The following MAFK variants were observed in gnomAD, a reference collection of about 807,000 sequenced individuals.
MAFK encodes MAF bZIP transcription factor K, also known as transcription factor MafK.
A neutral mutation model predicts 9.2 loss-of-function variants in MAFK; 1 was observed. The observed-to-expected ratio is 0.11, with a 90% CI of 0.04 to 0.52. MAFK has a LOEUF of 0.52. Among genes scored for constraint, MAFK ranks in the 20% least tolerant of loss-of-function variants. The pLI, the probability that MAFK is intolerant of heterozygous loss-of-function variation, is 0.94. For synonymous variants in MAFK, 110 were observed against 107.4 expected (o/e 1.02, Z -0.15); for missense variants, 207 against 236.0 (o/e 0.88, Z 0.81).
Position 1,534,839 on chromosome 7 carries a change from C to T in MAFK, c.-45+3941C>T, listed in dbSNP as rs2128551137. 1 of 351,592 alleles carries T rather than the reference C, an allele frequency of 2.8e-6. No individual in the cohort carries two copies. The highest frequency in any genetic ancestry group is 2.1e-5 in the South Asian group (1 of 47,918). 21.8% of individuals were successfully genotyped at this position (351,592 alleles called of 1,614,324 possible). A position where few individuals can be genotyped will look rare whatever the true frequency, so the allele number is the denominator to read the frequency against. ...GAAATCCCCGTTTCTCTATGGGCAT[C>T]CACAGCCGGGACCGTTCAGAGGGGT... is the stretch of plus-strand genomic sequence containing the variant. On this transcript the variant is annotated intron_variant, in intron 1 of 2. Coordinates refer to ENST00000343242, the MANE Select transcript of MAFK (RefSeq NM_002360.4). This position sits in a 1 kb window ranked among gnomAD's most constrained non-coding sequence, Gnocchi z 4.3.
chr7:1,537,479 C>T (rs943165249), intron 1 of MAFK: 107 of 985,468 alleles, frequency 1.1e-4, no homozygotes, highest in Admixed American at 1.2e-4. Context: ...TGCTCCCAGC[C>T]GCCGGCATTT....
rs1784163597 is a variant in MAFK at position 1,540,778 on chromosome 7, C to T, written c.*403C>T. The T allele has an allele frequency of 5.5e-6, 1 of 181,342 alleles. No individual in the cohort carries two copies. Among genetic ancestry groups the T allele is most frequent in the Non-Finnish European group, 1.1e-5 (1 of 87,722 alleles). The allele number at this position is 181,342 out of a possible 1,614,324, so 11.2% of individuals were successfully genotyped here. A position where few individuals can be genotyped will look rare whatever the true frequency, so the allele number is the denominator to read the frequency against. ...GGTCTAGCATGGGGCTTGTTTTCCA[C>T]TCCTGCTGTAAGCAGCCTTCGACAC... On this transcript the variant is annotated 3_prime_UTR_variant, in exon 3 of 3. Transcript: ENST00000343242.
intron 2 of MAFK, among the ~76,000 whole-genome samples, chr7:1,539,582 C>T (rs1562546895): frequency 6.6e-6 from 1 of 152,216 alleles, no homozygotes. Flanking sequence ...TCCCAAGGCC[C>T]GAGCCCACCT....
intron 1 of MAFK, among the ~76,000 whole-genome samples, chr7:1,535,996 G>T (rs1281681747): frequency 2.6e-5 from 4 of 152,218 alleles, no homozygotes; most frequent in Non-Finnish European, 4.4e-5. Context: ...GCTGAGCCTT[G>T]TTTAGTTCTG....
rs905343252 is a variant in MAFK at position 1,542,860 on chromosome 7, ATTAT to A, written c.*2492_*2495del. 4.6e-5 allele frequency: 7 copies of A among 152,382 alleles called. No homozygotes were observed. The highest frequency in any genetic ancestry group is 2.1e-4 in the South Asian group (1 of 4,836). The allele number at this position is 152,382 out of a possible 1,614,324, so 9.4% of individuals were successfully genotyped here. A position where few individuals can be genotyped will look rare whatever the true frequency, so the allele number is the denominator to read the frequency against. On this transcript the variant is annotated 3_prime_UTR_variant, in exon 3 of 3. Coordinates refer to ENST00000343242, the MANE Select transcript of MAFK (RefSeq NM_002360.4). ...CTGTGCTACTTGGCAGTTCCATTTCATTATTTATTTTTTGTGCTGCTTTTTATCA... is the reference window on the plus strand; with the variant it reads ...CTGTGCTACTTGGCAGTTCCATTTCATTATTTTTTGTGCTGCTTTTTATCA...
At position 1,542,950 on chromosome 7, in the gene MAFK, C is replaced by G. The variant is rs1028466448; in HGVS notation, c.*2575C>G. The G allele has an allele frequency of 6.5e-6, 1 of 152,720 alleles. No homozygotes were observed. The highest frequency in any genetic ancestry group is 1.5e-5 in the Non-Finnish European group (1 of 68,094). The allele number at this position is 152,720 out of a possible 1,614,324, so 9.5% of individuals were successfully genotyped here. A position where few individuals can be genotyped will look rare whatever the true frequency, so the allele number is the denominator to read the frequency against. On this transcript the variant is annotated 3_prime_UTR_variant, in exon 3 of 3. Coordinates refer to ENST00000343242, the MANE Select transcript of MAFK (RefSeq NM_002360.4). The stretch of plus-strand genomic sequence containing the variant: ...CCGTGTCTGGCCGCCGCCGCCCTGC[C>G]CCGTCCCTGCGGCCACCACCTAATT...
chr7:1,533,116 C>T (rs920552529), intron 1 of MAFK, among the ~76,000 whole-genome samples: 7 of 152,222 alleles, frequency 4.6e-5, no homozygotes, highest in Admixed American at 1.3e-4. Flanking sequence ...GGCCACATGC[C>T]CCACCCCCCG....
At chr7:1,537,322 G>A (rs1784055059) in intron 1 of MAFK, 12 of 946,462 alleles carry the variant, frequency 1.3e-5, no homozygotes, top group South Asian at 4.9e-5. Flanking sequence ...GGGAGGCCCG[G>A]GTGTGTGGGA....
At position 1,533,201 on chromosome 7, in the gene MAFK, T is replaced by C. The variant is rs1459064342; in HGVS notation, c.-45+2303T>C. On this transcript the variant is annotated intron_variant, in intron 1 of 2. Coordinates refer to ENST00000343242, the MANE Select transcript of MAFK (RefSeq NM_002360.4). ...TCCCACAGGCCGGTGGGGTCTGGTGTAGAGCCTTCCTGCTTCTCCGCACTG... is the reference window on the plus strand; with the variant it reads ...TCCCACAGGCCGGTGGGGTCTGGTGCAGAGCCTTCCTGCTTCTCCGCACTG... 3.9e-5 allele frequency among the ~76,000 whole-genome samples: 6 copies of C among 152,166 alleles called. 1 individual carries two copies. Among genetic ancestry groups the C allele is most frequent in the Non-Finnish European group, 8.8e-5 (6 of 68,018 alleles).
At chr7:1,531,205 C>T (rs1241893866) in intron 1 of MAFK, among the ~76,000 whole-genome samples, 5 of 149,320 alleles carry the variant, frequency 3.3e-5, no homozygotes, top group African/African-American at 1.2e-4. Context: ...CCTGGGAGGA[C>T]GAGGATCCAC....
rs111764525 is a variant in MAFK, at chr7:1,541,764, C to T, written c.*1389C>T. 5,670 of 152,380 alleles carry T rather than the reference C, an allele frequency of 0.037. 175 individuals carry two copies. Among genetic ancestry groups the T allele is most frequent in the Non-Finnish European group, 0.062 (4,192 of 68,064 alleles). 9.4% of individuals were successfully genotyped at this position (152,380 alleles called of 1,614,324 possible). A position where few individuals can be genotyped will look rare whatever the true frequency, so the allele number is the denominator to read the frequency against. Reference sequence around the variant, plus strand: ...CTGAGGCACCAGTGGGCTTGGCACTCCACCTTGGGCTTCCTTTTCCTGGAG... The same window carrying T: ...CTGAGGCACCAGTGGGCTTGGCACTTCACCTTGGGCTTCCTTTTCCTGGAG... On this transcript the variant is annotated 3_prime_UTR_variant, in exon 3 of 3. Transcript: ENST00000343242.
Position 1,535,777 on chromosome 7 carries a change from C to T in MAFK, c.-44-3372C>T, listed in dbSNP as rs573104997. Among the ~76,000 whole-genome samples the T allele has an allele frequency of 9.2e-5, 14 of 152,340 alleles. 3 individuals carry two copies. Among genetic ancestry groups the T allele is most frequent in the African/African-American group, 2.9e-4 (12 of 41,584 alleles). ...GCTGCCTGCCCTGCCGGGGGGAGCC[C>T]AGGGCTCTGATCCTCACCCTCTGCA... On this transcript the variant is annotated intron_variant, in intron 1 of 2. Coordinates refer to ENST00000343242, the MANE Select transcript of MAFK (RefSeq NM_002360.4).
At position 1,534,720 on chromosome 7, in the gene MAFK, A is replaced by G. The variant is rs754323052; in HGVS notation, c.-45+3822A>G. 1 of 445,948 alleles carries G rather than the reference A, an allele frequency of 2.2e-6. No individual in the cohort carries two copies. 27.6% of individuals were successfully genotyped at this position (445,948 alleles called of 1,614,324 possible). ...CATCATTCACCCCTTGGGCAAGAAC[A>G]AGTGACCCATCCAGAGCCCCCATGC... On this transcript the variant is annotated intron_variant, in intron 1 of 2. Coordinates refer to ENST00000343242, the MANE Select transcript of MAFK (RefSeq NM_002360.4). The surrounding 1 kb of genome is among the most constrained non-coding windows in gnomAD (Gnocchi z 4.3).
In MAFK at chr7:1,542,398, C is replaced by T. The variant is rs886929884; in HGVS notation, c.*2023C>T. ...CGGGCTGCCCGCCGTCCCCCTTCATCTCCCCACGGACTGTACCAGGCAGCT... is the reference window on the plus strand; with the variant it reads ...CGGGCTGCCCGCCGTCCCCCTTCATTTCCCCACGGACTGTACCAGGCAGCT... On this transcript the variant is annotated 3_prime_UTR_variant, in exon 3 of 3. Coordinates refer to ENST00000343242, the MANE Select transcript of MAFK (RefSeq NM_002360.4). 13 of 152,686 alleles carry T rather than the reference C, an allele frequency of 8.5e-5. No individual in the cohort carries two copies. The highest frequency in any genetic ancestry group is 2.9e-4 in the African/African-American group (12 of 41,588). The allele number at this position is 152,686 out of a possible 1,614,324, so 9.5% of individuals were successfully genotyped here.
At position 1,534,760 on chromosome 7, in the gene MAFK, G is replaced by A. The variant is rs570392522; in HGVS notation, c.-45+3862G>A. The stretch of plus-strand genomic sequence containing the variant: ...AGCCCCCATGCTGGCCTCGTAGAGC[G>A]AGCGGCAGCCCCGATGCGTCCTCTC... On this transcript the variant is annotated intron_variant, in intron 1 of 2. Transcript: ENST00000343242. The surrounding 1 kb of genome is among the most constrained non-coding windows in gnomAD (Gnocchi z 4.3). 2.2e-5 allele frequency: 9 copies of A among 407,800 alleles called. No individual in the cohort carries two copies. The highest frequency in any genetic ancestry group is 1.4e-4 in the African/African-American group (7 of 48,988). 25.3% of individuals were successfully genotyped at this position (407,800 alleles called of 1,614,324 possible). A position where few individuals can be genotyped will look rare whatever the true frequency, so the allele number is the denominator to read the frequency against.
rs1583206064 is a variant in MAFK at position 1,542,252 on chromosome 7, A to C, written c.*1877A>C. ...AAAATATATAGAGATATAAAATTAT[A>C]TTCACAGTTTATCTACAGATTTTTC... On this transcript the variant is annotated 3_prime_UTR_variant, in exon 3 of 3. Coordinates refer to ENST00000343242, the MANE Select transcript of MAFK (RefSeq NM_002360.4). The C allele has an allele frequency of 6.6e-6, 1 of 152,632 alleles. No individual in the cohort carries two copies. Among genetic ancestry groups the C allele is most frequent in the Non-Finnish European group, 1.5e-5 (1 of 68,046 alleles). 9.5% of individuals were successfully genotyped at this position (152,632 alleles called of 1,614,324 possible).
chr7:1,531,498 C>A (rs539656261), intron 1 of MAFK, among the ~76,000 whole-genome samples: 1 of 152,178 alleles, frequency 6.6e-6, no homozygotes, highest in Non-Finnish European at 1.5e-5. Context: ...TCGCTCTCAG[C>A]CGCCCACCTG....
rs1037081013 is a variant in MAFK, at chr7:1,542,098, G to T, written c.*1723G>T. 6.6e-6 allele frequency: 1 copy of T among 152,262 alleles called. No individual in the cohort carries two copies. Among genetic ancestry groups the T allele is most frequent in the Non-Finnish European group, 1.5e-5 (1 of 68,052 alleles). The allele number at this position is 152,262 out of a possible 1,614,324, so 9.4% of individuals were successfully genotyped here. ...AAGTTGAGTGGGAAGCTGCAGGCCC[G>T]CCAGGACCACTGGGTCCCTACAGAG... On this transcript the variant is annotated 3_prime_UTR_variant, in exon 3 of 3. Coordinates refer to ENST00000343242, the MANE Select transcript of MAFK (RefSeq NM_002360.4).
rs1783971305 is a variant in MAFK, at chr7:1,534,208, CA to C, written c.-45+3311del. The C allele has an allele frequency of 2.2e-6, 1 of 454,708 alleles. No homozygotes were observed. 28.2% of individuals were successfully genotyped at this position (454,708 alleles called of 1,614,324 possible). ...TGGGGCTGTGTCCGGGACAGCCGGA[CA>C]GTGGGGGCCCTCGCAGTGTAGGACC... is the stretch of plus-strand genomic sequence containing the variant. On this transcript the variant is annotated intron_variant, in intron 1 of 2. Transcript: ENST00000343242. The surrounding 1 kb of genome is among the most constrained non-coding windows in gnomAD (Gnocchi z 4.3).
Sources: gnomAD v4.1 joint callset for allele counts (sites outside exome capture counted in the v4.1 genomes callset) on GRCh38, gnomAD v4.1.1 for gene constraint, Gnocchi (gnomAD v3.1) non-coding constraint, MANE v1.5 for transcripts, NCBI Gene and HGNC (gene_info 2026-07-23, HGNC 2026-07-21) for gene names.